The following KANSL2 variants were observed in gnomAD, a reference collection of about 807,000 sequenced individuals.
KANSL2 encodes the protein NSL complex protein NSL2.
A neutral mutation model predicts 55.6 loss-of-function variants in KANSL2; 34 were observed. The observed-to-expected ratio is 0.61, with a 90% CI of 0.46 to 0.81. KANSL2 has a LOEUF of 0.81. Ranked by LOEUF, KANSL2 falls within the 40% of genes least tolerant of loss-of-function variation. The pLI, the probability that KANSL2 is intolerant of heterozygous loss-of-function variation, is 0.00. For synonymous variants in KANSL2, 209 were observed against 214.3 expected (o/e 0.98, Z 0.22); for missense variants, 502 against 609.9 (o/e 0.82, Z 1.86).
intron 4 of KANSL2, among the ~76,000 whole-genome samples, chr12:48,676,644 G>GT (rs915557202): frequency 2.6e-5 from 4 of 151,964 alleles, no homozygotes; most frequent in African/African-American, 9.7e-5. Context: ...GGTGACAAGA[G>GT]TGAAACTTCG....
chr12:48,681,738 G>C, intron 1 of KANSL2, 97 bp from the exon 2 acceptor site: 1 of 1,493,776 alleles, frequency 6.7e-7, no homozygotes, highest in Non-Finnish European at 9.2e-7. Context: ...ACATGCAGAA[G>C]TCGTCCCCGT....
chr12:48,659,948 C>CA (rs1475186306), intron 8 of KANSL2, among the ~76,000 whole-genome samples: 1 of 152,048 alleles, frequency 6.6e-6, no homozygotes, highest in Admixed American at 6.6e-5. Flanking sequence ...TAAGCAAAAT[C>CA]AGAGACAAAA....
chr12:48,674,792 G>A (rs1939790183), intron 4 of KANSL2, among the ~76,000 whole-genome samples: 1 of 151,964 alleles, frequency 6.6e-6, no homozygotes, highest in African/African-American at 2.4e-5. Context: ...CAGGTATGGT[G>A]GCAAGCACCT....
At chr12:48,664,619 T>C (rs11168674) in intron 7 of KANSL2, among the ~76,000 whole-genome samples, 34,994 of 133,708 alleles carry the variant, frequency 0.26, 5,693 homozygotes, top group East Asian at 0.75. Flanking sequence ...TCTCACTCTG[T>C]TGCCCAGGCT....
rs532177694 is a variant in KANSL2 at position 48,675,279 on chromosome 12, G to A, written c.546-3317C>T. Among the ~76,000 whole-genome samples, 12 of 151,868 alleles carry A rather than the reference G, an allele frequency of 7.9e-5. No homozygotes were observed. The South Asian group carries it at 1.7e-3, about 21-fold the overall frequency. ...AAATTAGCCGGGCACAGCGGCGTGCGCCTGTAGTCCCAGCTACTAGGGAGG... is the reference window on the plus strand; with the variant it reads ...AAATTAGCCGGGCACAGCGGCGTGCACCTGTAGTCCCAGCTACTAGGGAGG... On this transcript the variant is annotated intron_variant, in intron 4 of 9. Coordinates refer to ENST00000420613, the MANE Select transcript of KANSL2 (RefSeq NM_017822.4).
intron 5 of KANSL2, 140 bp from the exon 6 acceptor site, chr12:48,669,412 A>G: frequency 1.6e-6 from 1 of 621,236 alleles, no homozygotes; most frequent in East Asian, 2.8e-5. Context: ...AGGTACCAAG[A>G]CAGAAATAAA....
chr12:48,675,430 A>G (rs976268324), intron 4 of KANSL2, among the ~76,000 whole-genome samples: 2 of 152,190 alleles, frequency 1.3e-5, no homozygotes, highest in Admixed American at 6.5e-5. Context: ...ACGGTTTCAC[A>G]AGGTGACTAA....
chr12:48,673,616 T>C (rs1346470720), intron 4 of KANSL2, among the ~76,000 whole-genome samples: 1 of 149,834 alleles, frequency 6.7e-6, no homozygotes, highest in Non-Finnish European at 1.5e-5. Context: ...GATTAATATA[T>C]GGTAGACTGT....
intron 2 of KANSL2, among the ~76,000 whole-genome samples, chr12:48,680,367 T>A (rs1459361623): frequency 6.6e-6 from 1 of 152,104 alleles, no homozygotes; most frequent in Non-Finnish European, 1.5e-5. Flanking sequence ...AGTTTTTTAA[T>A]CTTCTGTAGA....
chr12:48,675,701 A>G (rs1324747139), intron 4 of KANSL2, among the ~76,000 whole-genome samples: 1 of 152,252 alleles, frequency 6.6e-6, no homozygotes, highest in Non-Finnish European at 1.5e-5. Flanking sequence ...TGGGGGCAGT[A>G]AGCAACCTAC....
rs1314574852 is a variant in KANSL2, at chr12:48,682,214, G to T, written c.-37C>A. The T allele has an allele frequency of 1.5e-6, 1 of 650,852 alleles. No individual in the cohort carries two copies. Among genetic ancestry groups the T allele is most frequent in the Non-Finnish European group, 2.8e-6 (1 of 359,432 alleles). 40.3% of individuals were successfully genotyped at this position (650,852 alleles called of 1,614,324 possible). A position where few individuals can be genotyped will look rare whatever the true frequency, so the allele number is the denominator to read the frequency against. On this transcript the variant is annotated 5_prime_UTR_variant, in exon 1 of 10. Coordinates refer to ENST00000420613, the MANE Select transcript of KANSL2 (RefSeq NM_017822.4). ...CAGGAGCTGCGCTGCGCCGCACTCT[G>T]CCGCGCCGCTCGCCCTTCTCTAGTG...
intron 4 of KANSL2, among the ~76,000 whole-genome samples, chr12:48,675,124 G>A (rs1209864935): frequency 3.3e-5 from 5 of 151,988 alleles, no homozygotes; most frequent in East Asian, 3.9e-4. Context: ...GGCTGGGCAC[G>A]GTGGCTCAAG....
rs1274690759 is a variant in KANSL2 at position 48,679,689 on chromosome 12, T to C, written c.396A>G (p.Pro132=). ...YAKTELGSQT[P]ESSRSEASRI... ...GGCTGGCTTCACTGCGACTACTTTC[T>C]GGAGTCTGAGACCCCAGCTCTGTCT... Residue 132 remains proline, a synonymous_variant, in exon 3 of 10, where the codon CCA becomes CCG. Coordinates refer to ENST00000420613, the MANE Select transcript of KANSL2 (RefSeq NM_017822.4). 6.2e-7 allele frequency: 1 copy of C among 1,613,656 alleles called. No homozygotes were observed. Among genetic ancestry groups the C allele is most frequent in the Non-Finnish European group, 8.5e-7 (1 of 1,179,822 alleles).
chr12:48,669,742 C>T (rs1939673867), intron 5 of KANSL2, among the ~76,000 whole-genome samples: 1 of 151,988 alleles, frequency 6.6e-6, no homozygotes, highest in East Asian at 1.9e-4. Context: ...ATCTCCTGAC[C>T]TCATGATCCG....
At chr12:48,675,974 C>T (rs547955538) in intron 4 of KANSL2, among the ~76,000 whole-genome samples, 2 of 152,180 alleles carry the variant, frequency 1.3e-5, no homozygotes, top group African/African-American at 4.8e-5. Flanking sequence ...TGTGAAATAA[C>T]CTTCAGCCAA....
chr12:48,672,099 T>TAAG, intron 4 of KANSL2, 137 bp from the exon 5 acceptor site: 1 of 589,144 alleles, frequency 1.7e-6, no homozygotes, highest in Non-Finnish European at 2.7e-6. Flanking sequence ...TGCAAAACAT[T>TAAG]GTACCATTCA....
intron 4 of KANSL2, among the ~76,000 whole-genome samples, chr12:48,675,488 AC>A (rs1287781204): frequency 6.6e-6 from 1 of 152,218 alleles, no homozygotes; most frequent in Non-Finnish European, 1.5e-5. Flanking sequence ...CCTGTCTGTA[AC>A]CTAAAATACT....
intron 8 of KANSL2, among the ~76,000 whole-genome samples, chr12:48,657,284 G>T (rs1224670159): frequency 1.3e-5 from 2 of 152,004 alleles, no homozygotes; most frequent in East Asian, 3.9e-4. Flanking sequence ...AATTAGCCAG[G>T]CGTCTTGGCA....
At chr12:48,680,366 ATCT>A in intron 2 of KANSL2, among the ~76,000 whole-genome samples, 1 of 152,040 alleles carries the variant, frequency 6.6e-6, no homozygotes, top group East Asian at 1.9e-4. Context: ...GAGTTTTTTA[ATCT>A]TCTGTAGAGA....
Sources: allele counts gnomAD v4.1 joint callset (sites outside exome capture counted in the v4.1 genomes callset), GRCh38; gene constraint gnomAD v4.1.1; transcripts MANE v1.5; gene names NCBI Gene and HGNC (gene_info 2026-07-23, HGNC 2026-07-21).